CLIC5: variants seen among roughly 807,000 people sequenced by gnomAD.
The protein encoded by CLIC5 is CLIC family member 5.
CLIC5 carries 20 observed loss-of-function variants against 24.7 expected under a neutral mutation model. That is an observed-to-expected ratio of 0.81 (90% CI 0.57 to 1.18). The LOEUF (loss-of-function observed/expected upper bound fraction) is 1.18, where lower values mean the gene tolerates loss of function less well. Ranked by LOEUF, CLIC5 falls within the 50% of genes most tolerant of loss-of-function variation. The probability of loss-of-function intolerance (pLI) is 0.00; values close to 1 mark genes in which losing one functional copy is unlikely to be tolerated. For missense variants in CLIC5, 341 were observed against 326.1 expected (o/e 1.05, Z -0.35); for synonymous variants, 159 against 135.6 (o/e 1.17, Z -1.20).
At chr6:45,924,114 A>C (rs1380535089) in intron 4 of CLIC5, among the ~76,000 whole-genome samples, 1 of 152,230 alleles carries the variant, frequency 6.6e-6, no homozygotes, top group Non-Finnish European at 1.5e-5. Flanking sequence ...GCAACAAAAA[A>C]TTCTTAGAGC....
the CLIC5 span, among the ~76,000 whole-genome samples, chr6:46,098,622 G>A: frequency 6.6e-6 from 1 of 152,212 alleles, no homozygotes; most frequent in East Asian, 1.9e-4. Context: ...ACCTATTGGA[G>A]GTGGGGAGGA....
At chr6:46,078,733 A>C (rs1762841965) in intron 1 of CLIC5, among the ~76,000 whole-genome samples, 1 of 152,174 alleles carries the variant, frequency 6.6e-6, no homozygotes, top group Non-Finnish European at 1.5e-5. Context: ...TTTTAAAAGG[A>C]CCTTGTAGTA....
At chr6:46,069,265 G>A (rs185079572) in intron 1 of CLIC5, among the ~76,000 whole-genome samples, 1 of 152,194 alleles carries the variant, frequency 6.6e-6, no homozygotes, top group East Asian at 1.9e-4. Flanking sequence ...GGAGCAATAG[G>A]GAGCTACTGC....
chr6:46,016,488 C>A (rs1197570337), upstream of CLIC5, among the ~76,000 whole-genome samples: 2 of 152,164 alleles, frequency 1.3e-5, no homozygotes, highest in Non-Finnish European at 2.9e-5. Context: ...GGCTTCCATG[C>A]CTTTCAGCCT....
the CLIC5 span, among the ~76,000 whole-genome samples, chr6:46,110,967 T>C: frequency 6.6e-6 from 1 of 152,176 alleles, no homozygotes; most frequent in Non-Finnish European, 1.5e-5. Flanking sequence ...TTGGTAGAAA[T>C]GGGGAACTGG....
chr6:46,114,783 T>C, the CLIC5 span, among the ~76,000 whole-genome samples: 1 of 152,206 alleles, frequency 6.6e-6, no homozygotes. Context: ...CTAACACAGA[T>C]GGACAACTTG....
At position 45,970,895 on chromosome 6, in the gene CLIC5, C is replaced by T. The variant is rs112690243; in HGVS notation, c.64-15651G>A. 5.7e-3 allele frequency among the ~76,000 whole-genome samples: 870 copies of T among 152,302 alleles called. 6 individuals carry two copies. Among genetic ancestry groups the T allele is most frequent in the African/African-American group, 0.019 (807 of 41,562 alleles). On this transcript the variant is annotated intron_variant, in intron 1 of 5. Transcript: ENST00000339561. ...TGAATTCTCTGATTCTCTTTATGCT[C>T]ACTTGTTCATTGGGCACAAAGGAGT... is the stretch of plus-strand genomic sequence containing the variant.
At chr6:46,115,819 C>G in the CLIC5 span, among the ~76,000 whole-genome samples, 61 of 152,322 alleles carry the variant, frequency 4.0e-4, 2 homozygotes, top group East Asian at 0.01. Flanking sequence ...TTAAGTAAAT[C>G]AGATGGCATT....
intron 1 of CLIC5, among the ~76,000 whole-genome samples, chr6:46,035,737 TTTTTC>T (rs1767639545): frequency 6.6e-6 from 1 of 150,958 alleles, no homozygotes; most frequent in African/African-American, 2.4e-5. Context: ...GTGGTTTTCT[TTTTTC>T]TTTTATTTTC....
At chr6:45,907,821 C>T (rs1391866481) in intron 5 of CLIC5, among the ~76,000 whole-genome samples, 1 of 152,100 alleles carries the variant, frequency 6.6e-6, no homozygotes. Flanking sequence ...TTGGTGAAGT[C>T]TGTAGGGTTT....
At chr6:45,949,453 TTG>T (rs1764398041) in intron 2 of CLIC5, 72 bp from the exon 3 acceptor site, 12 of 1,522,984 alleles carry the variant, frequency 7.9e-6, no homozygotes, top group Middle Eastern at 3.7e-4. Flanking sequence ...CTAAGATTGA[TTG>T]TAACTTAGAT....
chr6:46,022,495 G>GT (rs1157233627), intron 1 of CLIC5, among the ~76,000 whole-genome samples: 1 of 152,198 alleles, frequency 6.6e-6, no homozygotes, highest in African/African-American at 2.4e-5. Context: ...AGGACCAACT[G>GT]GGTGTAGACG....
intron 1 of CLIC5, among the ~76,000 whole-genome samples, chr6:46,006,061 TGTATAA>T (rs1766554608): frequency 7.3e-6 from 1 of 136,096 alleles, no homozygotes; most frequent in Non-Finnish European, 1.5e-5. Context: ...TATATATACA[TGTATAA>T]ATATATATAT....
chr6:45,911,280 G>T (rs1377738918), intron 5 of CLIC5, among the ~76,000 whole-genome samples: 1 of 152,116 alleles, frequency 6.6e-6, no homozygotes, highest in Non-Finnish European at 1.5e-5. Context: ...GGTTTGGTGT[G>T]GGCACCAAAG....
At chr6:45,975,423 A>G (rs994979626) in intron 1 of CLIC5, among the ~76,000 whole-genome samples, 6 of 152,220 alleles carry the variant, frequency 3.9e-5, no homozygotes, top group Non-Finnish European at 7.3e-5. Context: ...TGCAACTGAA[A>G]CAAAAGTATT....
Position 45,927,163 on chromosome 6 carries a change from C to CTT in CLIC5, c.407-12756_407-12755dup, listed in dbSNP as rs397965631. On this transcript the variant is annotated intron_variant, in intron 4 of 5. Transcript: ENST00000339561. ...AGAGGTGTGTTGAAGTGTTTGTATACTTTTTTTTCTCTCATTTAACAAATA... is the reference window on the plus strand; with the variant it reads ...AGAGGTGTGTTGAAGTGTTTGTATACTTTTTTTTTTCTCTCATTTAACAAATA... Among the ~76,000 whole-genome samples, 983 of 151,794 alleles carry CTT rather than the reference C, an allele frequency of 6.5e-3. 13 individuals are homozygous for CTT. Among genetic ancestry groups the CTT allele is most frequent in the African/African-American group, 0.023 (942 of 41,412 alleles).
chr6:46,002,470 G>A (rs1205999398), intron 1 of CLIC5, among the ~76,000 whole-genome samples: 4 of 152,104 alleles, frequency 2.6e-5, no homozygotes, highest in Non-Finnish European at 5.9e-5. Flanking sequence ...GCTCTTGGTG[G>A]CCACACCCAC....
At chr6:46,016,034 C>A (rs531626114), upstream of CLIC5, 2 of 344,924 alleles carry the variant, frequency 5.8e-6, no homozygotes, top group East Asian at 1.7e-4. Flanking sequence ...GCAAAGCCAC[C>A]AAGGCCAAGA....
At chr6:46,027,247 G>A (rs918862911) in intron 1 of CLIC5, among the ~76,000 whole-genome samples, 5 of 152,206 alleles carry the variant, frequency 3.3e-5, no homozygotes, top group African/African-American at 1.2e-4. Flanking sequence ...CCTGCACAGA[G>A]TTCCACTGGG....
Sources: allele counts gnomAD v4.1 joint callset (sites outside exome capture counted in the v4.1 genomes callset), GRCh38; gene constraint gnomAD v4.1.1; transcripts MANE v1.5; gene names NCBI Gene and HGNC (gene_info 2026-07-23, HGNC 2026-07-21).